Variants in TEX9 observed in about 807,000 individuals in gnomAD.
TEX9 encodes testis expressed 9, also known as testis-expressed protein 9.
A neutral mutation model predicts 59.6 loss-of-function variants in TEX9; 74 were observed. The observed-to-expected ratio is 1.24, with a 90% CI of 1.03 to 1.51. The LOEUF (loss-of-function observed/expected upper bound fraction) is 1.51. Among genes scored for constraint, TEX9 ranks in the 40% most tolerant of loss-of-function variants. TEX9 has a pLI of 0.00. For missense variants in TEX9, 522 were observed against 447.8 expected, an observed-to-expected ratio of 1.17 and a Z score of -1.49; for synonymous variants, 186 against 152.2, an observed-to-expected ratio of 1.22 and a Z score of -1.64.
intron 1 of TEX9, among the ~76,000 whole-genome samples, chr15:56,292,474 A>G (rs2045117108): frequency 6.6e-6 from 1 of 152,150 alleles, no homozygotes; most frequent in African/African-American, 2.4e-5. Flanking sequence ...TTAACACTAT[A>G]CAGGCAAAAA....
At chr15:56,260,230 T>C (rs1333575895) in intron 1 of TEX9, among the ~76,000 whole-genome samples, 3 of 152,152 alleles carry the variant, frequency 2.0e-5, no homozygotes, top group Admixed American at 6.6e-5. Flanking sequence ...TCTTCTTTCA[T>C]GCCTTGTGGC....
chr15:56,426,591 A>G lies in TEX9; in HGVS notation c.964-1014A>G, dbSNP rs1019618346. On this transcript the variant is annotated intron_variant, in intron 10 of 12. Transcript: ENST00000352903. ...TTTTTTTTTTTTTTTGAAAAGGTGT[A>G]TATATATATATATATATATATATAT... is the stretch of plus-strand genomic sequence containing the variant. Among the ~76,000 whole-genome samples, 25 of 13,120 alleles carry G rather than the reference A, an allele frequency of 1.9e-3. 1 individual carries two copies. The highest frequency in any genetic ancestry group is 3.2e-3 in the African/African-American group (5 of 1,582). The allele number at this position is 13,120 out of a possible 152,430, so 8.6% of individuals were successfully genotyped here.
chr15:56,316,595 G>A (rs2045772670), intron 1 of TEX9, among the ~76,000 whole-genome samples: 1 of 152,080 alleles, frequency 6.6e-6, no homozygotes, highest in Admixed American at 6.5e-5. Context: ...GGTTACTGCT[G>A]TCTTTTTGTT....
At chr15:56,451,109 T>G in the TEX9 span, among the ~76,000 whole-genome samples, 1 of 152,238 alleles carries the variant, frequency 6.6e-6, no homozygotes, top group Non-Finnish European at 1.5e-5. Context: ...GTTCTTTATA[T>G]ATTTCAGATA....
intron 1 of TEX9, among the ~76,000 whole-genome samples, chr15:56,339,100 A>C (rs1447464652): frequency 1.3e-5 from 2 of 150,958 alleles, no homozygotes; most frequent in African/African-American, 2.4e-5. Flanking sequence ...AGGAGAATAC[A>C]GGCCTGGTGT....
At chr15:56,405,530 C>G (rs1482499602) in intron 9 of TEX9, among the ~76,000 whole-genome samples, 3 of 152,116 alleles carry the variant, frequency 2.0e-5, no homozygotes, top group East Asian at 1.9e-4. Context: ...CTTGAGACTT[C>G]TAGTTCACAA....
At chr15:56,258,934 A>G (rs976099194) in intron 1 of TEX9, among the ~76,000 whole-genome samples, 27 of 149,714 alleles carry the variant, frequency 1.8e-4, no homozygotes, top group South Asian at 1.0e-3. Context: ...ACCTATATGT[A>G]TATATAAAAC....
At chr15:56,337,163 A>T (rs1239476998) in intron 1 of TEX9, among the ~76,000 whole-genome samples, 4 of 152,180 alleles carry the variant, frequency 2.6e-5, no homozygotes, top group Non-Finnish European at 4.4e-5. Flanking sequence ...CTGACATTAC[A>T]CTTCATCCTG....
At chr15:56,386,956 A>C (rs2047986466) in intron 4 of TEX9, among the ~76,000 whole-genome samples, 1 of 151,956 alleles carries the variant, frequency 6.6e-6, no homozygotes, top group East Asian at 1.9e-4. Context: ...TATTCCACCT[A>C]AATAATTATA....
the TEX9 span, among the ~76,000 whole-genome samples, chr15:56,460,009 A>AAAAAAAAAAAAAAAAAAATATATATAT: frequency 3.8e-5 from 1 of 26,406 alleles, no homozygotes; most frequent in African/African-American, 1.5e-4. Flanking sequence ...AAAAAAAAAA[A>AAAAAAAAAAAAAAAAAAATATATATAT]ATACATATAT....
chr15:56,378,802 A>T (rs376187054), intron 3 of TEX9, among the ~76,000 whole-genome samples: 35 of 152,120 alleles, frequency 2.3e-4, no homozygotes, highest in African/African-American at 7.9e-4. Context: ...GTGGTGGCTG[A>T]TAGCTGTAAT....
intron 9 of TEX9, among the ~76,000 whole-genome samples, chr15:56,403,048 G>A (rs2048878410): frequency 6.6e-6 from 1 of 152,162 alleles, no homozygotes; most frequent in Admixed American, 6.5e-5. Context: ...GGCAAAAACT[G>A]GAAGCATTCC....
intron 3 of TEX9, 46 bp from the exon 4 acceptor site, chr15:56,383,906 T>TG: frequency 7.1e-7 from 1 of 1,401,670 alleles, no homozygotes; most frequent in Non-Finnish European, 9.9e-7. Flanking sequence ...CTTAATGGTT[T>TG]GGTTTTTTTT....
intron 1 of TEX9, among the ~76,000 whole-genome samples, chr15:56,248,038 G>A (rs768508043): frequency 3.3e-5 from 5 of 152,178 alleles, no homozygotes; most frequent in Non-Finnish European, 7.3e-5. Context: ...TTTCAGCTAA[G>A]CTGTTGTCTT....
intron 1 of TEX9, among the ~76,000 whole-genome samples, chr15:56,354,784 T>C (rs1227533232): frequency 1.3e-5 from 2 of 152,044 alleles, no homozygotes; most frequent in Admixed American, 6.5e-5. Context: ...CTGGAGAAAA[T>C]AGAAAATAGT....
chr15:56,426,562 G>GT (rs35594267), intron 10 of TEX9, among the ~76,000 whole-genome samples: 2 of 53,870 alleles, frequency 3.7e-5, no homozygotes, highest in African/African-American at 1.1e-4. Flanking sequence ...TTAAAGAGGT[G>GT]TTTTTTTTTT....
the TEX9 span, among the ~76,000 whole-genome samples, chr15:56,452,892 A>G: frequency 6.6e-6 from 1 of 152,158 alleles, no homozygotes; most frequent in African/African-American, 2.4e-5. Context: ...CCTTCTCAAA[A>G]GCCTAGTTTC....
the TEX9 span, among the ~76,000 whole-genome samples, chr15:56,460,003 A>ATATAT: frequency 6.1e-5 from 2 of 32,876 alleles, no homozygotes; most frequent in African/African-American, 2.3e-4. Context: ...AAAAAAAAAA[A>ATATAT]AAAAAAATAC....
intron 7 of TEX9, among the ~76,000 whole-genome samples, chr15:56,392,373 A>G (rs1224519924): frequency 6.6e-6 from 1 of 152,106 alleles, no homozygotes; most frequent in African/African-American, 2.4e-5. Context: ...CGGTGGGATC[A>G]CGAACAAGAG....
Sources: allele counts gnomAD v4.1 joint callset (sites outside exome capture counted in the v4.1 genomes callset), GRCh38; gene constraint gnomAD v4.1.1; transcripts MANE v1.5; gene names NCBI Gene and HGNC (gene_info 2026-07-23, HGNC 2026-07-21).